The following KCNIP4 variants were observed in gnomAD, a reference collection of about 807,000 sequenced individuals.
KCNIP4 encodes potassium voltage-gated channel interacting protein 4.
KCNIP4 carries 12 observed loss-of-function variants against 34.0 expected under a neutral mutation model. The observed-to-expected ratio is 0.35, with a 90% CI of 0.23 to 0.57. KCNIP4 has a LOEUF of 0.57. Among genes scored for constraint, KCNIP4 ranks in the 20% least tolerant of loss-of-function variants. The probability of loss-of-function intolerance (pLI) is 0.83; values close to 1 mark genes in which losing one functional copy is unlikely to be tolerated. For synonymous variants in KCNIP4, 124 were observed against 102.2 expected (o/e 1.21, Z -1.29); for missense variants, 238 against 311.7 (o/e 0.76, Z 1.78).
At chr4:21,712,773 G>A (rs1238625920) in intron 1 of KCNIP4, among the ~76,000 whole-genome samples, 1 of 151,876 alleles carries the variant, frequency 6.6e-6, no homozygotes, top group Non-Finnish European at 1.5e-5. Flanking sequence ...TTTCCATTCA[G>A]AGATTTTTAA....
intron 1 of KCNIP4, among the ~76,000 whole-genome samples, chr4:21,828,449 AT>A (rs1374178447): frequency 1.3e-5 from 2 of 151,886 alleles, no homozygotes; most frequent in East Asian, 3.9e-4. Context: ...ACTCGAAGAT[AT>A]AATAACAAGA....
chr4:21,328,913 G>T (rs182214521), intron 1 of KCNIP4, among the ~76,000 whole-genome samples: 7 of 152,334 alleles, frequency 4.6e-5, no homozygotes, highest in Admixed American at 1.3e-4. Flanking sequence ...AAGGCCCCAG[G>T]CTACTTCAGT....
intron 1 of KCNIP4, among the ~76,000 whole-genome samples, chr4:21,651,434 G>A (rs1004336000): frequency 6.6e-6 from 1 of 152,114 alleles, no homozygotes; most frequent in Non-Finnish European, 1.5e-5. Context: ...CCAAGAAATG[G>A]CATTGTTAAT....
intron 1 of KCNIP4, among the ~76,000 whole-genome samples, chr4:21,747,857 AG>A (rs1489412174): frequency 6.6e-6 from 1 of 152,132 alleles, no homozygotes; most frequent in Non-Finnish European, 1.5e-5. Flanking sequence ...ATACTGGATT[AG>A]GGTAGGCTCT....
chr4:21,323,144 G>GTATATA (rs747961833), intron 1 of KCNIP4, among the ~76,000 whole-genome samples: 824 of 77,864 alleles, frequency 0.011, 20 homozygotes, highest in African/African-American at 0.043. Context: ...TCTTTTGTAA[G>GTATATA]TATATATATA....
At chr4:21,786,853 C>T (rs1001823748) in intron 1 of KCNIP4, among the ~76,000 whole-genome samples, 31 of 152,136 alleles carry the variant, frequency 2.0e-4, no homozygotes, top group Middle Eastern at 6.8e-3. Flanking sequence ...GCCTGAGCCA[C>T]CGTGCCCCGC....
chr4:21,353,223 C>A (rs1220881127), intron 1 of KCNIP4, among the ~76,000 whole-genome samples: 1 of 152,096 alleles, frequency 6.6e-6, no homozygotes, highest in African/African-American at 2.4e-5. Flanking sequence ...ACTCTAAAAA[C>A]CAGAGCACCT....
chr4:20,800,392 C>T (rs1339400776), intron 3 of KCNIP4, among the ~76,000 whole-genome samples: 1 of 152,206 alleles, frequency 6.6e-6, no homozygotes, highest in Non-Finnish European at 1.5e-5. Context: ...GGAAACATGA[C>T]ATCACCAAAG....
intron 1 of KCNIP4, among the ~76,000 whole-genome samples, chr4:21,545,289 T>G (rs1738045944): frequency 6.6e-6 from 1 of 151,992 alleles, no homozygotes. Context: ...ATCCACCCCT[T>G]GGATAACATG....
chr4:21,587,232 T>G (rs561627312), intron 1 of KCNIP4, among the ~76,000 whole-genome samples: 78 of 152,188 alleles, frequency 5.1e-4, no homozygotes, highest in African/African-American at 1.8e-3. Context: ...TATAAGTAAC[T>G]TTGTGGATGC....
chr4:21,285,770 G>T (rs1377547712), intron 1 of KCNIP4, among the ~76,000 whole-genome samples: 1 of 152,110 alleles, frequency 6.6e-6, no homozygotes, highest in Non-Finnish European at 1.5e-5. Flanking sequence ...GAACCCAGGA[G>T]GCAGAGGTTG....
At chr4:21,923,875 G>T (rs1283864766) in intron 1 of KCNIP4, among the ~76,000 whole-genome samples, 2 of 152,102 alleles carry the variant, frequency 1.3e-5, no homozygotes, top group Non-Finnish European at 2.9e-5. Context: ...TCTAGTTCTT[G>T]TCTATCCATA....
chr4:21,234,311 C>CATATA (rs1759136192), intron 1 of KCNIP4, among the ~76,000 whole-genome samples: 1 of 73,498 alleles, frequency 1.4e-5, no homozygotes, highest in Non-Finnish European at 2.2e-5. Flanking sequence ...ACATATATAA[C>CATATA]ATATATATAA....
intron 1 of KCNIP4, among the ~76,000 whole-genome samples, chr4:21,173,275 A>T (rs929246819): frequency 5.9e-5 from 9 of 152,138 alleles, no homozygotes; most frequent in Non-Finnish European, 4.4e-5. Flanking sequence ...GGGGAAAAAA[A>T]ACCACTTTGT....
At chr4:20,972,889 A>T (rs1735111894) in intron 1 of KCNIP4, among the ~76,000 whole-genome samples, 1 of 152,230 alleles carries the variant, frequency 6.6e-6, no homozygotes, top group Admixed American at 6.5e-5. Context: ...TAGAATTAGA[A>T]GTGGAGCCTG....
chr4:21,930,587 C>T (rs2109007360), intron 1 of KCNIP4, among the ~76,000 whole-genome samples: 1 of 152,226 alleles, frequency 6.6e-6, no homozygotes, highest in Admixed American at 6.5e-5. Flanking sequence ...CCACATGGAC[C>T]TCTCACCATT....
At chr4:21,834,319 G>A (rs1324852198) in intron 1 of KCNIP4, among the ~76,000 whole-genome samples, 1 of 152,134 alleles carries the variant, frequency 6.6e-6, no homozygotes, top group Admixed American at 6.5e-5. Context: ...TCCCTTGTAA[G>A]TTGGATTCCT....
chr4:21,679,555 T>C (rs1407737124), intron 1 of KCNIP4, among the ~76,000 whole-genome samples: 1 of 152,206 alleles, frequency 6.6e-6, no homozygotes, highest in Non-Finnish European at 1.5e-5. Context: ...ATGCTAAGAA[T>C]GTATCTCTTG....
intron 1 of KCNIP4, among the ~76,000 whole-genome samples, chr4:21,920,265 C>A (rs1006722089): frequency 6.6e-6 from 1 of 152,112 alleles, no homozygotes; most frequent in Non-Finnish European, 1.5e-5. Flanking sequence ...GTTCCACATC[C>A]TTGGAACCAA....
Sources: allele counts gnomAD v4.1 joint callset (sites outside exome capture counted in the v4.1 genomes callset), GRCh38; gene constraint gnomAD v4.1.1; transcripts MANE v1.5; gene names NCBI Gene and HGNC (gene_info 2026-07-23, HGNC 2026-07-21).